Variants in SIPA1L2 observed in about 807,000 individuals in gnomAD.
SIPA1L2 encodes signal induced proliferation associated 1 like 2.
In SIPA1L2, 56 loss-of-function variants were observed where a neutral mutation model predicts 163.9. That is an observed-to-expected ratio of 0.34 (90% CI 0.28 to 0.43). SIPA1L2 has a LOEUF of 0.43. Among genes scored for constraint, SIPA1L2 ranks in the 20% least tolerant of loss-of-function variants. The pLI, the probability that SIPA1L2 is intolerant of heterozygous loss-of-function variation, is 1.00. For synonymous variants in SIPA1L2, 877 were observed against 865.7 expected (o/e 1.01, Z -0.23); for missense variants, 1,974 against 2,193.5 (o/e 0.90, Z 2.00).
At chr1:232,563,481 T>G (rs1210726861) in intron 2 of SIPA1L2, among the ~76,000 whole-genome samples, 1 of 152,158 alleles carries the variant, frequency 6.6e-6, no homozygotes, top group African/African-American at 2.4e-5. Context: ...TAAGAGAACT[T>G]ATACCCTCCC....
At chr1:232,599,614 G>A (rs189091199) in intron 1 of SIPA1L2, among the ~76,000 whole-genome samples, 57 of 152,310 alleles carry the variant, frequency 3.7e-4, no homozygotes, top group Admixed American at 2.3e-3. Context: ...GTTCTGGTGA[G>A]TTTTGGTGAG....
At chr1:232,565,967 G>T (rs1659379898) in intron 2 of SIPA1L2, among the ~76,000 whole-genome samples, 1 of 152,216 alleles carries the variant, frequency 6.6e-6, no homozygotes, top group East Asian at 1.9e-4. Flanking sequence ...TGAAGGTGAT[G>T]ATTACATTAT....
intron 1 of SIPA1L2, among the ~76,000 whole-genome samples, chr1:232,625,500 T>C (rs777109689): frequency 2.2e-4 from 34 of 152,314 alleles, no homozygotes; most frequent in Middle Eastern, 3.4e-3. Flanking sequence ...CGAGGTTCAA[T>C]GGCAGCATGT....
intron 3 of SIPA1L2, among the ~76,000 whole-genome samples, chr1:232,501,299 T>C (rs759417262): frequency 1.3e-5 from 2 of 152,130 alleles, no homozygotes; most frequent in East Asian, 1.9e-4. Context: ...TAGACTACAG[T>C]ATAAACAACT....
intron 3 of SIPA1L2, among the ~76,000 whole-genome samples, chr1:232,495,784 T>C (rs1016033810): frequency 6.6e-6 from 1 of 152,096 alleles, no homozygotes; most frequent in Non-Finnish European, 1.5e-5. Context: ...ACAGATGTCA[T>C]TACATGGGAA....
intron 1 of SIPA1L2, among the ~76,000 whole-genome samples, chr1:232,618,752 C>T (rs183001461): frequency 6.6e-6 from 1 of 151,974 alleles, no homozygotes; most frequent in Non-Finnish European, 1.5e-5. Context: ...TATAAAGTCT[C>T]AAAACAAAAC....
At chr1:232,492,811 G>A (rs1665998246) in intron 4 of SIPA1L2, among the ~76,000 whole-genome samples, 1 of 152,136 alleles carries the variant, frequency 6.6e-6, no homozygotes, top group African/African-American at 2.4e-5. Context: ...GCTCATCAAC[G>A]GAAGGGACTT....
At chr1:232,545,078 C>A (rs1014918668) in intron 2 of SIPA1L2, among the ~76,000 whole-genome samples, 1 of 152,150 alleles carries the variant, frequency 6.6e-6, no homozygotes, top group African/African-American at 2.4e-5. Flanking sequence ...CCAGAGGAGC[C>A]AACCTCATAC....
chr1:232,427,397 T>C (rs1272736233), intron 17 of SIPA1L2, among the ~76,000 whole-genome samples: 1 of 152,196 alleles, frequency 6.6e-6, no homozygotes. Flanking sequence ...TGTTTTACTA[T>C]AGGGAAGACA....
At chr1:232,433,244 T>C (rs1159007642) in intron 15 of SIPA1L2, among the ~76,000 whole-genome samples, 2 of 152,212 alleles carry the variant, frequency 1.3e-5, no homozygotes, top group Non-Finnish European at 2.9e-5. Context: ...ACAGACGACT[T>C]GGGCGATCTC....
At chr1:232,590,231 C>T (rs1451968129) in intron 1 of SIPA1L2, among the ~76,000 whole-genome samples, 4 of 152,176 alleles carry the variant, frequency 2.6e-5, no homozygotes, top group Admixed American at 6.5e-5. Flanking sequence ...GGCCCTCCCA[C>T]GCAGGCTACA....
intron 2 of SIPA1L2, among the ~76,000 whole-genome samples, chr1:232,529,756 C>T (rs954034537): frequency 1.3e-5 from 2 of 152,228 alleles, no homozygotes; most frequent in South Asian, 4.1e-4. Context: ...TCTCTCTTTC[C>T]TCAGCTAGGA....
At chr1:232,570,181 G>C (rs1025947152) in intron 2 of SIPA1L2, among the ~76,000 whole-genome samples, 5 of 152,216 alleles carry the variant, frequency 3.3e-5, no homozygotes, top group African/African-American at 7.2e-5. Context: ...TTGGAGCTCA[G>C]CCCAAACTTG....
intron 10 of SIPA1L2, among the ~76,000 whole-genome samples, chr1:232,446,886 G>T (rs1189716083): frequency 6.6e-6 from 1 of 152,240 alleles, no homozygotes; most frequent in Non-Finnish European, 1.5e-5. Flanking sequence ...CTGAGCACCT[G>T]AAATGGACTT....
chr1:232,527,926 A>T (rs1667791587), intron 2 of SIPA1L2, among the ~76,000 whole-genome samples: 1 of 150,768 alleles, frequency 6.6e-6, no homozygotes, highest in Non-Finnish European at 1.5e-5. Flanking sequence ...CCATTTTCTT[A>T]TTAAAAATAT....
intron 1 of SIPA1L2, among the ~76,000 whole-genome samples, chr1:232,628,741 A>G (rs1663211566): frequency 6.6e-6 from 1 of 152,196 alleles, no homozygotes; most frequent in Non-Finnish European, 1.5e-5. Flanking sequence ...TAGGCTGCAC[A>G]CAAACGCGAC....
intron 22 of SIPA1L2, among the ~76,000 whole-genome samples, 178 bp downstream of exon 22, chr1:232,402,214 A>G (rs984471510): frequency 6.6e-6 from 1 of 152,228 alleles, no homozygotes; most frequent in Non-Finnish European, 1.5e-5. Context: ...ACAAAATGAA[A>G]TACATCAGCT....
At chr1:232,417,305 C>G (rs999275880) in intron 18 of SIPA1L2, among the ~76,000 whole-genome samples, 1 of 152,302 alleles carries the variant, frequency 6.6e-6, no homozygotes, top group East Asian at 1.9e-4. Flanking sequence ...TACCTACCAC[C>G]TTTAGAAGTT....
intron 1 of SIPA1L2, among the ~76,000 whole-genome samples, chr1:232,599,877 A>C (rs763026113): frequency 6.6e-6 from 1 of 152,248 alleles, no homozygotes; most frequent in African/African-American, 2.4e-5. Flanking sequence ...TATTAACCAC[A>C]TATCTACCTA....
Sources: allele counts gnomAD v4.1 joint callset (sites outside exome capture counted in the v4.1 genomes callset), GRCh38; gene constraint gnomAD v4.1.1; transcripts MANE v1.5; gene names NCBI Gene and HGNC (gene_info 2026-07-23, HGNC 2026-07-21).